HMGB1: variants seen among roughly 807,000 people sequenced by gnomAD.
The protein encoded by HMGB1 is high mobility group box 1, also known as high mobility group protein B1.
For missense variants in HMGB1, 79 were observed against 253.5 expected (o/e 0.31, Z 4.67); for synonymous variants, 81 against 84.0 (o/e 0.96, Z 0.19).
chr13:30,610,113 CTTACT>C (rs1253680630), intron 1 of HMGB1, among the ~76,000 whole-genome samples: 1 of 144,398 alleles, frequency 6.9e-6, no homozygotes, highest in African/African-American at 2.7e-5. Flanking sequence ...TTTTCTCTAA[CTTACT>C]TTATTGTAAG....
At chr13:30,534,616 CTTT>C (rs1216929821) in intron 1 of HMGB1, among the ~76,000 whole-genome samples, 11 of 124,702 alleles carry the variant, frequency 8.8e-5, no homozygotes, top group South Asian at 2.5e-4. Flanking sequence ...GTTCAAGCTG[CTTT>C]TTTTTTTTTT....
At chr13:30,497,632 T>A (rs1364782530) in intron 1 of HMGB1, among the ~76,000 whole-genome samples, 1 of 152,110 alleles carries the variant, frequency 6.6e-6, no homozygotes, top group African/African-American at 2.4e-5. Flanking sequence ...TAGGCCCCAG[T>A]GTCTCTTGTT....
chr13:30,583,236 T>A (rs1490412886), intron 1 of HMGB1, among the ~76,000 whole-genome samples: 3 of 151,978 alleles, frequency 2.0e-5, no homozygotes, highest in Non-Finnish European at 4.4e-5. Context: ...TGAATTCACA[T>A]TAAGCAAACA....
At chr13:30,486,545 AAAAT>A (rs1340614492) in intron 1 of HMGB1, among the ~76,000 whole-genome samples, 1 of 152,196 alleles carries the variant, frequency 6.6e-6, no homozygotes, top group Non-Finnish European at 1.5e-5. Flanking sequence ...CTGGGAGTGG[AAAAT>A]ATCTTAAGTA....
intron 1 of HMGB1, among the ~76,000 whole-genome samples, chr13:30,490,360 C>T (rs1459996180): frequency 6.6e-6 from 1 of 152,082 alleles, no homozygotes; most frequent in African/African-American, 2.4e-5. Context: ...TGGTTCATGC[C>T]TGTAATCCCA....
In HMGB1 at chr13:30,588,626, A is replaced by G. The variant is rs895909566; in HGVS notation, c.-15+28045T>C. 2.6e-5 allele frequency among the ~76,000 whole-genome samples: 4 copies of G among 152,164 alleles called. No homozygotes were observed. In the South Asian group the frequency reaches 8.3e-4, roughly 32 times the overall value. On this transcript the variant is annotated intron_variant, in intron 1 of 4. Coordinates refer to the HMGB1 transcript ENST00000405805. ...GAAAGCATTAGAAATAGAAGATAAA[A>G]CACAATTAGGCCGGGTGCAGCGGCT... is the stretch of plus-strand genomic sequence containing the variant.
At chr13:30,547,598 A>C (rs1869220279) in intron 1 of HMGB1, among the ~76,000 whole-genome samples, 1 of 152,200 alleles carries the variant, frequency 6.6e-6, no homozygotes. Flanking sequence ...ACCATGGGAA[A>C]AGAGTCCTTA....
intron 1 of HMGB1, among the ~76,000 whole-genome samples, chr13:30,549,299 C>CAA: frequency 6.6e-6 from 1 of 152,142 alleles, no homozygotes; most frequent in East Asian, 1.9e-4. Context: ...TAAATAAATA[C>CAA]GAATGTCTGA....
intron 1 of HMGB1, among the ~76,000 whole-genome samples, chr13:30,487,686 A>C (rs1887394662): frequency 6.6e-6 from 1 of 152,240 alleles, no homozygotes; most frequent in Non-Finnish European, 1.5e-5. Flanking sequence ...GGGCTAAAAA[A>C]GGTTGCACCA....
intron 1 of HMGB1, among the ~76,000 whole-genome samples, chr13:30,499,914 G>A (rs1052032920): frequency 1.3e-5 from 2 of 152,286 alleles, no homozygotes; most frequent in Admixed American, 1.3e-4. Context: ...TGAGTTCCTC[G>A]GGCCTGGGGA....
chr13:30,617,466 T>C (rs576244088), exon 1 of HMGB1: 1 of 152,154 alleles, frequency 6.6e-6, no homozygotes, highest in Non-Finnish European at 1.5e-5. Flanking sequence ...CCCCGCCGGC[T>C]TCGGAAGCCC....
Position 30,505,017 on chromosome 13 carries a change from C to T in HMGB1, c.-14-41323G>A, listed in dbSNP as rs1887819414. On this transcript the variant is annotated intron_variant, in intron 1 of 4. Transcript: ENST00000405805. ...AGAGAGTCTCACTCTGTCACCCAGG[C>T]TGGAGTGCAGTGGTGTGATCTCGGC... is the stretch of plus-strand genomic sequence containing the variant. 5.9e-5 allele frequency among the ~76,000 whole-genome samples: 9 copies of T among 152,086 alleles called. 1 individual carries two copies. The highest frequency in any genetic ancestry group is 5.2e-4 in the Admixed American group (8 of 15,264).
At chr13:30,532,148 T>A (rs996032483) in intron 1 of HMGB1, among the ~76,000 whole-genome samples, 1 of 151,616 alleles carries the variant, frequency 6.6e-6, no homozygotes, top group African/African-American at 2.4e-5. Context: ...ACCAGCCTGA[T>A]CAACATGGTG....
chr13:30,592,025 T>C (rs1871393000), intron 1 of HMGB1, among the ~76,000 whole-genome samples: 1 of 152,174 alleles, frequency 6.6e-6, no homozygotes, highest in African/African-American at 2.4e-5. Context: ...TTCTTTCCTC[T>C]CAATTTTAAC....
intron 1 of HMGB1, among the ~76,000 whole-genome samples, chr13:30,483,147 A>G (rs1425455063): frequency 6.6e-6 from 1 of 152,106 alleles, no homozygotes; most frequent in East Asian, 1.9e-4. Context: ...AGGTCAGAGA[A>G]TATAGCCAAG....
intron 1 of HMGB1, among the ~76,000 whole-genome samples, chr13:30,487,308 C>G (rs1415869219): frequency 2.0e-5 from 3 of 152,230 alleles, no homozygotes; most frequent in Non-Finnish European, 4.4e-5. Context: ...GCTTTCAACA[C>G]TTGGTGCCTT....
chr13:30,476,652 C>A lies in HMGB1; in HGVS notation c.-14-12958G>T, dbSNP rs191734926. 4.9e-3 allele frequency among the ~76,000 whole-genome samples: 751 copies of A among 151,874 alleles called. 7 individuals are homozygous for A. Among genetic ancestry groups the A allele is most frequent in the African/African-American group, 0.016 (677 of 41,426 alleles). On this transcript the variant is annotated intron_variant, in intron 1 of 4. Coordinates refer to the HMGB1 transcript ENST00000405805. ...GCAGAGGTGGGTGGATCACTTGAGCCCAGGAGTTCAAGACCAGCCTGGCCA... is the reference window on the plus strand; with the variant it reads ...GCAGAGGTGGGTGGATCACTTGAGCACAGGAGTTCAAGACCAGCCTGGCCA...
At chr13:30,589,284 C>T (rs901725583) in intron 1 of HMGB1, among the ~76,000 whole-genome samples, 1 of 152,114 alleles carries the variant, frequency 6.6e-6, no homozygotes, top group Non-Finnish European at 1.5e-5. Context: ...GGATTACAGG[C>T]GTGAACCACC....
chr13:30,599,767 A>T (rs1318515405), intron 1 of HMGB1, among the ~76,000 whole-genome samples: 1 of 152,132 alleles, frequency 6.6e-6, no homozygotes, highest in East Asian at 1.9e-4. Context: ...TTTAAACTTA[A>T]TCACCTTTTT....
Sources: allele counts gnomAD v4.1 joint callset (sites outside exome capture counted in the v4.1 genomes callset), GRCh38; gene constraint gnomAD v4.1.1; transcripts MANE v1.5; gene names NCBI Gene and HGNC (gene_info 2026-07-23, HGNC 2026-07-21).